The following AAMDC variants were observed in gnomAD, a reference collection of about 807,000 sequenced individuals.
The protein encoded by AAMDC is adipogenesis associated Mth938 domain containing.
AAMDC carries 16 observed loss-of-function variants against 15.5 expected under a neutral mutation model. That is an observed-to-expected ratio of 1.03 (90% CI 0.70 to 1.57). The LOEUF (loss-of-function observed/expected upper bound fraction) is 1.57, where lower values mean the gene tolerates loss of function less well. AAMDC is among the 40% of genes most tolerant of loss of function. The probability of loss-of-function intolerance (pLI) is 0.00; values close to 1 mark genes in which losing one functional copy is unlikely to be tolerated. For missense variants in AAMDC, 141 were observed against 144.9 expected (o/e 0.97, Z 0.14); for synonymous variants, 51 against 51.6 (o/e 0.99, Z 0.05).
At chr11:77,878,004 T>C (rs1299517358) in intron 5 of AAMDC, among the ~76,000 whole-genome samples, 1 of 152,168 alleles carries the variant, frequency 6.6e-6, no homozygotes, top group Non-Finnish European at 1.5e-5. Context: ...TTGTAAAATA[T>C]AGCTCTTCTA....
chr11:77,884,256 C>A (rs1315319167), intron 5 of AAMDC, among the ~76,000 whole-genome samples: 1 of 152,176 alleles, frequency 6.6e-6, no homozygotes, highest in Non-Finnish European at 1.5e-5. Flanking sequence ...CAGGCACCTT[C>A]ACCAGAAGAG....
At position 77,887,024 on chromosome 11, in the gene AAMDC, TC is replaced by T. The variant is rs1432252217; in HGVS notation, c.328+9976del. Among the ~76,000 whole-genome samples the T allele has an allele frequency of 9.3e-5, 14 of 150,902 alleles. No homozygotes were observed. In the East Asian group the frequency reaches 2.7e-3, roughly 29 times the overall value. On this transcript the variant is annotated intron_variant, in intron 5 of 5. Transcript: ENST00000304716. Reference sequence around the variant, plus strand: ...AAGATCCAAAATTGACACCCTAACATCACAATTAAAAGAACTAGAAAAGCAA... The same window carrying T: ...AAGATCCAAAATTGACACCCTAACATACAATTAAAAGAACTAGAAAAGCAA...
chr11:77,832,267 A>G lies in AAMDC; in HGVS notation c.-18-10212A>G, dbSNP rs191639309. On this transcript the variant is annotated intron_variant, in intron 1 of 3. Coordinates refer to ENST00000393427, the MANE Select transcript of AAMDC (RefSeq NM_024684.4). ...TATATTTCTGGCAGGGTTGATTCTC[A>G]TATATAAATTTATTCTTTGAGTTTA... Among the ~76,000 whole-genome samples, 36 of 152,272 alleles carry G rather than the reference A, an allele frequency of 2.4e-4. No homozygotes were observed. In the East Asian group the frequency reaches 5.4e-3, roughly 23 times the overall value.
chr11:77,832,412 C>T lies in AAMDC; in HGVS notation c.-18-10067C>T, dbSNP rs188115470. Among the ~76,000 whole-genome samples, 33 of 150,552 alleles carry T rather than the reference C, an allele frequency of 2.2e-4. No homozygotes were observed. The East Asian group carries it at 4.8e-3, about 22-fold the overall frequency. On this transcript the variant is annotated intron_variant, in intron 1 of 3. Coordinates refer to ENST00000393427, the MANE Select transcript of AAMDC (RefSeq NM_024684.4). ...TGTGATCTCGGCTCGCTGCAACCTCCGCCTCCCGGGTTCAAGCGATTCTTC... is the reference window on the plus strand; with the variant it reads ...TGTGATCTCGGCTCGCTGCAACCTCTGCCTCCCGGGTTCAAGCGATTCTTC...
intron 2 of AAMDC, among the ~76,000 whole-genome samples, chr11:77,861,786 G>A (rs768815939): frequency 1.5e-4 from 23 of 152,274 alleles, no homozygotes; most frequent in Admixed American, 1.1e-3. Context: ...GACTAAAGCG[G>A]TGGCCTTTTT....
At chr11:77,866,703 C>T (rs1378051324) in intron 2 of AAMDC, 6 of 151,110 alleles carry the variant, frequency 4.0e-5, no homozygotes, top group Non-Finnish European at 7.4e-5. Context: ...AATGTGAGCT[C>T]TGGGTGAGAG....
At chr11:77,876,399 G>C (rs542196408), downstream of AAMDC, among the ~76,000 whole-genome samples, 17 of 147,984 alleles carry the variant, frequency 1.1e-4, no homozygotes, top group African/African-American at 4.0e-4. Context: ...TTTATAAAAA[G>C]GTCTTTTTTT....
At chr11:77,844,447 A>C (rs1267076669) in intron 2 of AAMDC, among the ~76,000 whole-genome samples, 2 of 151,830 alleles carry the variant, frequency 1.3e-5, no homozygotes, top group African/African-American at 2.4e-5. Context: ...ACTGTAGTCT[A>C]CACCACCTGG....
At chr11:77,836,391 G>A (rs1370423426) in intron 1 of AAMDC, among the ~76,000 whole-genome samples, 2 of 152,004 alleles carry the variant, frequency 1.3e-5, no homozygotes, top group Non-Finnish European at 2.9e-5. Context: ...GAGATAGCAG[G>A]TGTGCCCATG....
chr11:77,848,184 T>C (rs1054710298), intron 2 of AAMDC, among the ~76,000 whole-genome samples: 1 of 152,220 alleles, frequency 6.6e-6, no homozygotes, highest in African/African-American at 2.4e-5. Context: ...AAGATACTTA[T>C]GTGGGACAGT....
intron 2 of AAMDC, among the ~76,000 whole-genome samples, chr11:77,857,843 C>T (rs769897299): frequency 2.1e-4 from 32 of 151,846 alleles, no homozygotes; most frequent in Admixed American, 2.0e-3. Flanking sequence ...ACGACAGGTG[C>T]GCACCACCAT....
chr11:77,881,990 C>A (rs544414248), intron 5 of AAMDC, among the ~76,000 whole-genome samples: 1 of 152,036 alleles, frequency 6.6e-6, no homozygotes, highest in East Asian at 1.9e-4. Flanking sequence ...GGGCTCCCTG[C>A]AGCCTTGACC....
At chr11:77,865,659 A>G (rs1042101698) in intron 2 of AAMDC, among the ~76,000 whole-genome samples, 2 of 152,224 alleles carry the variant, frequency 1.3e-5, no homozygotes, top group African/African-American at 4.8e-5. Context: ...ACAACTAGTC[A>G]TCTGCCATTA....
At chr11:77,883,245 ACT>A (rs1368286282) in intron 5 of AAMDC, among the ~76,000 whole-genome samples, 2 of 152,126 alleles carry the variant, frequency 1.3e-5, no homozygotes, top group South Asian at 2.1e-4. Context: ...GGGAAACACC[ACT>A]GAGGCCAATT....
intron 1 of AAMDC, among the ~76,000 whole-genome samples, chr11:77,842,019 A>G (rs965216729): frequency 6.6e-6 from 1 of 152,224 alleles, no homozygotes. Flanking sequence ...CCAGGCAAGA[A>G]CAACAAAAAG....
intron 2 of AAMDC, among the ~76,000 whole-genome samples, chr11:77,867,581 AAGGATAG>A (rs1161993335): frequency 2.0e-5 from 3 of 152,202 alleles, no homozygotes; most frequent in African/African-American, 4.8e-5. Flanking sequence ...GAATGAATGA[AAGGATAG>A]AGGTATATGG....
At chr11:77,897,831 T>G (rs1055607461) in intron 5 of AAMDC, among the ~76,000 whole-genome samples, 1 of 151,794 alleles carries the variant, frequency 6.6e-6, no homozygotes, top group Non-Finnish European at 1.5e-5. Context: ...TTTTAAGACA[T>G]AGGGTCTTGT....
At chr11:77,836,279 T>A (rs1949678525) in intron 1 of AAMDC, among the ~76,000 whole-genome samples, 1 of 152,078 alleles carries the variant, frequency 6.6e-6, no homozygotes, top group Non-Finnish European at 1.5e-5. Flanking sequence ...CAAAAACGAC[T>A]GTAGTTAGAG....
intron 1 of AAMDC, among the ~76,000 whole-genome samples, chr11:77,830,807 C>A (rs934564689): frequency 2.0e-5 from 3 of 151,892 alleles, no homozygotes; most frequent in African/African-American, 7.3e-5. Context: ...TACTCAACAT[C>A]ATTGATCATC....
Sources: gnomAD v4.1 joint callset for allele counts (sites outside exome capture counted in the v4.1 genomes callset) on GRCh38, gnomAD v4.1.1 for gene constraint, MANE v1.5 for transcripts, NCBI Gene and HGNC (gene_info 2026-07-23, HGNC 2026-07-21) for gene names.